SRGAP2B: variants seen among roughly 807,000 people sequenced by gnomAD.
The protein encoded by SRGAP2B is SLIT-ROBO Rho GTPase activating protein 2B.
SRGAP2B carries 9 observed loss-of-function variants against 22.2 expected under a neutral mutation model. That is an observed-to-expected ratio of 0.41 (90% CI 0.24 to 0.71). The LOEUF (loss-of-function observed/expected upper bound fraction) is 0.71. Ranked by LOEUF, SRGAP2B falls within the 30% of genes least tolerant of loss-of-function variation. SRGAP2B has a pLI of 0.35. For missense variants in SRGAP2B, 114 were observed against 235.8 expected (o/e 0.48, Z 3.38); for synonymous variants, 36 against 87.4 (o/e 0.41, Z 3.28).
intron 3 of SRGAP2B, among the ~76,000 whole-genome samples, chr1:144,984,097 G>A (rs1181794376): frequency 1.3e-5 from 2 of 150,472 alleles, no homozygotes; most frequent in African/African-American, 2.5e-5. Context: ...AAGGTGTGCG[G>A]ATCACCTGAG....
chr1:144,919,957 G>C (rs1187108156), intron 4 of SRGAP2B: 3 of 150,082 alleles, frequency 2.0e-5, no homozygotes, highest in Non-Finnish European at 4.4e-5. Flanking sequence ...ATGAAGCTGT[G>C]GACCTTCGCG....
rs1164122626 is a variant in SRGAP2B, at chr1:144,990,703, G to T, written c.260+4305C>A. Among the ~76,000 whole-genome samples, 44 of 150,886 alleles carry T rather than the reference G, an allele frequency of 2.9e-4. 1 individual carries two copies. Among genetic ancestry groups the T allele is most frequent in the South Asian group, 6.2e-4 (3 of 4,812 alleles). On this transcript the variant is annotated intron_variant, in intron 3 of 9. Transcript: ENST00000612199. ...GTGCGGCGCTTGCGGGCCAGCTGGA[G>T]TTCCGGGTGGGCTTGGGCTTGGTGG...
At chr1:145,002,576 G>T (rs1570980538) in intron 2 of SRGAP2B, among the ~76,000 whole-genome samples, 1 of 146,476 alleles carries the variant, frequency 6.8e-6, no homozygotes, top group African/African-American at 2.6e-5. Flanking sequence ...TAAAATAAAA[G>T]ATATATAAAA....
At chr1:145,030,723 T>A (rs868958630) in intron 2 of SRGAP2B, among the ~76,000 whole-genome samples, 958 of 29,618 alleles carry the variant, frequency 0.032, 9 homozygotes, top group Non-Finnish European at 0.047. Flanking sequence ...AAAAAAAAAA[T>A]ATATATATAT....
chr1:144,925,771 GAAA>G, intron 4 of SRGAP2B, among the ~76,000 whole-genome samples: 1 of 142,310 alleles, frequency 7.0e-6, no homozygotes, highest in East Asian at 2.1e-4. Context: ...AAGAAAGAAA[GAAA>G]GAAAGAAAGA....
chr1:144,988,999 C>CTTTTTTTTT (rs3062880), intron 3 of SRGAP2B, among the ~76,000 whole-genome samples: 10 of 55,104 alleles, frequency 1.8e-4, no homozygotes, highest in Admixed American at 5.1e-4. Context: ...ACTCCCCCCA[C>CTTTTTTTTT]TTTTTTTTTT....
At chr1:144,966,444 C>G (rs1241677411) in intron 3 of SRGAP2B, among the ~76,000 whole-genome samples, 4 of 147,122 alleles carry the variant, frequency 2.7e-5, no homozygotes, top group South Asian at 4.2e-4. Flanking sequence ...CAAATGCTGA[C>G]CGATTTTGTC....
chr1:145,068,967 C>A (rs61825000), intron 2 of SRGAP2B, among the ~76,000 whole-genome samples: 2 of 148,088 alleles, frequency 1.4e-5, no homozygotes, highest in Admixed American at 1.4e-4. Flanking sequence ...ATATATATCT[C>A]TCTCTCAACA....
At chr1:145,068,893 A>ATGTGTG (rs797031320) in intron 2 of SRGAP2B, among the ~76,000 whole-genome samples, 30 of 109,254 alleles carry the variant, frequency 2.7e-4, no homozygotes, top group African/African-American at 6.8e-4. Context: ...ATAAGGTAAA[A>ATGTGTG]TGTGTGTGTG....
At chr1:145,092,019 C>T (rs1338536638) in intron 2 of SRGAP2B, among the ~76,000 whole-genome samples, 1 of 149,746 alleles carries the variant, frequency 6.7e-6, no homozygotes, top group Non-Finnish European at 1.5e-5. Flanking sequence ...GAAGACAGGT[C>T]ACTTGGTTTC....
chr1:145,045,309 AAAAAG>A (rs1202676395), intron 2 of SRGAP2B, among the ~76,000 whole-genome samples: 2 of 143,666 alleles, frequency 1.4e-5, no homozygotes, highest in African/African-American at 5.4e-5. Context: ...AAAAAAAAAA[AAAAAG>A]AAAGAAAGAA....
chr1:144,960,267 A>G (rs1444704092), intron 3 of SRGAP2B, among the ~76,000 whole-genome samples: 2 of 146,358 alleles, frequency 1.4e-5, no homozygotes, highest in Non-Finnish European at 3.0e-5. Context: ...AAAGCAGACA[A>G]AATACCTAGG....
intron 4 of SRGAP2B, among the ~76,000 whole-genome samples, chr1:144,920,101 T>A (rs587602773): frequency 9.3e-5 from 14 of 150,938 alleles, no homozygotes; most frequent in Admixed American, 9.2e-4. Context: ...CACAGAGCGC[T>A]GATTGGTGCG....
intron 3 of SRGAP2B, among the ~76,000 whole-genome samples, chr1:144,993,100 C>A (rs373508137): frequency 1.3e-5 from 2 of 151,102 alleles, no homozygotes; most frequent in Non-Finnish European, 2.9e-5. Context: ...GACCACATAA[C>A]CTCAAGTAAC....
chr1:145,006,810 C>T (rs1671629165), intron 2 of SRGAP2B, among the ~76,000 whole-genome samples: 2 of 150,654 alleles, frequency 1.3e-5, no homozygotes, highest in Admixed American at 6.6e-5. Context: ...AAGTAGGCTC[C>T]TATTGAGTCA....
chr1:144,951,054 G>A (rs1666814704), intron 4 of SRGAP2B, among the ~76,000 whole-genome samples: 1 of 150,646 alleles, frequency 6.6e-6, no homozygotes. Context: ...CACCATGTTG[G>A]CCAAGCTGGT....
At chr1:145,002,589 G>T (rs1432991197) in intron 2 of SRGAP2B, among the ~76,000 whole-genome samples, 6 of 148,188 alleles carry the variant, frequency 4.0e-5, no homozygotes, top group Non-Finnish European at 7.4e-5. Flanking sequence ...ATATAAAAAA[G>T]AAACAAACAA....
At chr1:144,950,312 T>G (rs1666760142) in intron 4 of SRGAP2B, among the ~76,000 whole-genome samples, 1 of 140,050 alleles carries the variant, frequency 7.1e-6, no homozygotes, top group Non-Finnish European at 1.5e-5. Flanking sequence ...CATGGCTTCA[T>G]GCAAAATGTA....
intron 2 of SRGAP2B, among the ~76,000 whole-genome samples, chr1:145,064,341 T>G (rs1651261748): frequency 1.3e-5 from 2 of 148,976 alleles, no homozygotes; most frequent in Non-Finnish European, 2.9e-5. Context: ...AAGATGGCAG[T>G]AAGGTCAAGG....
Sources: gnomAD v4.1 joint callset for allele counts (sites outside exome capture counted in the v4.1 genomes callset) on GRCh38, gnomAD v4.1.1 for gene constraint, MANE v1.5 for transcripts, NCBI Gene and HGNC (gene_info 2026-07-23, HGNC 2026-07-21) for gene names.